MKS1: variants seen among roughly 807,000 people sequenced by gnomAD.
The protein encoded by MKS1 is MKS transition zone complex subunit 1.
In MKS1, 70 loss-of-function variants were observed where a neutral mutation model predicts 83.7. The ratio of observed to expected loss-of-function variants is 0.84; its 90% CI spans 0.69 to 1.02. MKS1 has a LOEUF of 1.02. MKS1 is among the 50% of genes least tolerant of loss of function. The pLI, the probability that MKS1 is intolerant of heterozygous loss-of-function variation, is 0.00. For synonymous variants in MKS1, 251 were observed against 273.4 expected, an observed-to-expected ratio of 0.92 and a Z score of 0.81; for missense variants, 681 against 726.9, an observed-to-expected ratio of 0.94 and a Z score of 0.73.
At position 58,206,265 on chromosome 17, in the gene MKS1, C is replaced by G. The variant is rs912989184; in HGVS notation, c.1588+18G>C. The stretch of plus-strand genomic sequence containing the variant: ...GCCCATGCTGACCTGGGGTGGCCAG[C>G]TGGGGGAGGGGACATACCTAGCACA... On this transcript the variant is annotated intron_variant, in intron 17 of 17. Coordinates refer to ENST00000393119, the MANE Select transcript of MKS1 (RefSeq NM_017777.4). The G allele has an allele frequency of 1.9e-6, 3 of 1,613,948 alleles. No homozygotes were observed. The highest frequency in any genetic ancestry group is 2.5e-6 in the Non-Finnish European group (3 of 1,179,964).
chr17:58,212,998 C>T lies in MKS1; in HGVS notation c.842G>A (p.Arg281Gln). The change falls in exon 8 of 18, where the codon CGG becomes CAG. Residue 281 changes from arginine to glutamine, a missense_variant. Physicochemically the swap from Arg to Gln is conservative, Grantham distance 43. Around this residue, in one of 3 missense-constraint regions of MKS1, gnomAD observed 365 missense variants for 383.8 expected, o/e 0.95. Coordinates refer to ENST00000393119, the MANE Select transcript of MKS1 (RefSeq NM_017777.4). ...HAQPEEEERE[R>Q]RVFKDLYGRH... ...TGCGCTTACATCCTTGAACACTCGC[C>T]GTTCCCGCTCCTCCTCCTCCGGCTG... 1.2e-6 allele frequency: 2 copies of T among 1,614,134 alleles called. No homozygotes were observed. The highest frequency in any genetic ancestry group is 1.1e-5 in the South Asian group (1 of 91,086).
At chr17:58,210,624 G>T in intron 11 of MKS1, 35 bp downstream of exon 11, 1 of 1,576,540 alleles carries the variant, frequency 6.3e-7, no homozygotes, top group Non-Finnish European at 8.7e-7. Context: ...CTGTCTGAAT[G>T]GGTATAAAAG....
chr17:58,215,772 C>G (rs1213710230), intron 4 of MKS1: 5 of 384,330 alleles, frequency 1.3e-5, no homozygotes, highest in Non-Finnish European at 2.5e-5. Context: ...CACTACCTGT[C>G]TTTTTTCATG....
chr17:58,208,417 C>T (rs1266120194), intron 12 of MKS1, 96 bp downstream of exon 12: 6 of 1,423,788 alleles, frequency 4.2e-6, no homozygotes, highest in Non-Finnish European at 5.9e-6. Context: ...CTGGAATCCT[C>T]CCCAGGGCGC....
chr17:58,208,161 T>C lies in MKS1; in HGVS notation c.1109A>G (p.His370Arg). The C allele has an allele frequency of 6.2e-7, 1 of 1,612,824 alleles. No homozygotes were observed. Among genetic ancestry groups the C allele is most frequent in the Non-Finnish European group, 8.5e-7 (1 of 1,178,828 alleles). ...TTCAAACGTGAATGGGTAGGAGAAGTGAGCCACCTTGTCCTATAAAAAGGA... is the reference window on the plus strand; with the variant it reads ...TTCAAACGTGAATGGGTAGGAGAAGCGAGCCACCTTGTCCTATAAAAAGGA... ...TKSLAMDKVAHFSYPFTFEAF... is the reference protein window; with the variant it reads ...TKSLAMDKVARFSYPFTFEAF... Residue 370 changes from histidine to arginine, a missense_variant, in exon 13 of 18, where the codon CAC (histidine) becomes CGC (arginine). Physicochemically the swap from His to Arg is conservative, Grantham distance 29. Transcript: ENST00000393119.
Position 58,213,053 on chromosome 17 carries a change from A to G in MKS1, c.787T>C (p.Tyr263His), listed in dbSNP as rs1597991801. 6.2e-7 allele frequency: 1 copy of G among 1,614,058 alleles called. No individual in the cohort carries two copies. Among genetic ancestry groups the G allele is most frequent in the East Asian group, 2.2e-5 (1 of 44,870 alleles). ...TEGEKQELWK[Y>H]TIDNVSPHAQ... ...TGGGGGGAAACATTGTCGATCGTAT[A>G]TTTCCACAGCTCCTGCTTCTCCCCC... Residue 263 changes from tyrosine to histidine, a missense_variant, in exon 8 of 18, where the codon TAT (tyrosine) becomes CAT (histidine). Tyr to His is a moderately conservative substitution (Grantham distance 83, BLOSUM62 2). Coordinates refer to ENST00000393119, the MANE Select transcript of MKS1 (RefSeq NM_017777.4).
intron 1 of MKS1, 99 bp downstream of exon 1, chr17:58,219,052 T>C (rs1969435469): frequency 2.7e-6 from 4 of 1,484,176 alleles, no homozygotes; most frequent in African/African-American, 2.8e-5. Flanking sequence ...GTGGTCGGGA[T>C]TGTAAGCAGA....
At chr17:58,218,447 C>CAAAAAA (rs67834721) in intron 2 of MKS1, 173 bp downstream of exon 2, 78 of 242,490 alleles carry the variant, frequency 3.2e-4, no homozygotes, top group African/African-American at 8.4e-4. Flanking sequence ...GACTCCGTCT[C>CAAAAAA]AAAAAAAAAA....
chr17:58,214,712 C>G, intron 5 of MKS1, 29 bp downstream of exon 5: 1 of 1,591,082 alleles, frequency 6.3e-7, no homozygotes, highest in Non-Finnish European at 8.5e-7. Context: ...AAAGTAAAAG[C>G]TTGTCCCCCA....
At position 58,209,120 on chromosome 17, in the gene MKS1, C is replaced by A. The variant is rs1359040903; in HGVS notation, c.1025-537G>T. On this transcript the variant is annotated intron_variant, in intron 11 of 17. Coordinates refer to ENST00000393119, the MANE Select transcript of MKS1 (RefSeq NM_017777.4). The surrounding 1 kb of genome is among the most constrained non-coding windows in gnomAD (Gnocchi z 4.1). ...CTCTTTCTTTTCCCCACATTTCCCC[C>A]TTTTCTTTTTGACAAAACCGCCATC... Among the ~76,000 whole-genome samples the A allele has an allele frequency of 6.6e-6, 1 of 152,136 alleles. No homozygotes were observed.
chr17:58,207,806 C>T (rs1264409072), intron 14 of MKS1, 88 bp downstream of exon 14: 1 of 1,236,864 alleles, frequency 8.1e-7, no homozygotes, highest in South Asian at 1.2e-5. Context: ...CCAATTATCT[C>T]CACCCCTCAC....
At position 58,212,425 on chromosome 17, in the gene MKS1, G is replaced by A. The variant is rs777558323; in HGVS notation, c.868C>T (p.Arg290Trp). Residue 290 changes from arginine (R) to tryptophan (W), a missense_variant, in exon 9 of 18, where the codon CGG becomes TGG. Transcript: ENST00000393119. ...AGGCTGCTGAGATACTCCTTGTGCCGGCCATAAAGCTGAGGAAACAAACCA... is the reference window on the plus strand; with the variant it reads ...AGGCTGCTGAGATACTCCTTGTGCCAGCCATAAAGCTGAGGAAACAAACCA... ...ERRVFKDLYG[R>W]HKEYLSSLVG... 1.4e-5 allele frequency: 22 copies of A among 1,613,998 alleles called. No individual in the cohort carries two copies. Among genetic ancestry groups the A allele is most frequent in the East Asian group, 4.5e-5 (2 of 44,890 alleles).
chr17:58,212,384 A>G lies in MKS1; in HGVS notation c.909T>C (p.Phe303=), dbSNP rs764581050. The stretch of plus-strand genomic sequence containing the variant: ...AGGAAGCCAAGCTACTCACCATCTC[A>G]AAGTCGGTGCCTACGAGGCTGCTGA... ...EYLSSLVGTD[F]EMTVPGALRL... Residue 303 remains phenylalanine, a synonymous_variant, in exon 9 of 18, where the codon TTT becomes TTC. Coordinates refer to ENST00000393119, the MANE Select transcript of MKS1 (RefSeq NM_017777.4). 1.9e-6 allele frequency: 3 copies of G among 1,613,854 alleles called. No homozygotes were observed. In the South Asian group the frequency reaches 3.3e-5, roughly 18 times the overall value.
chr17:58,210,767 C>T, intron 10 of MKS1, 43 bp from the exon 11 acceptor site: 7 of 1,583,526 alleles, frequency 4.4e-6, no homozygotes, highest in Non-Finnish European at 6.1e-6. Context: ...TTTCTCCTAC[C>T]ACCCTTAGCA....
chr17:58,217,950 C>T (rs1969323694), intron 2 of MKS1, among the ~76,000 whole-genome samples: 1 of 152,196 alleles, frequency 6.6e-6, no homozygotes, highest in South Asian at 2.1e-4. Context: ...ACAATAAAAG[C>T]AAACAGACTA....
At position 58,206,392 on chromosome 17, in the gene MKS1, C is replaced by T; in HGVS notation, c.1491-12G>A. 6.2e-7 allele frequency: 1 copy of T among 1,614,088 alleles called. No individual in the cohort carries two copies. Among genetic ancestry groups the T allele is most frequent in the Non-Finnish European group, 8.5e-7 (1 of 1,179,966 alleles). On this transcript the variant is annotated splice_polypyrimidine_tract_variant and intron_variant, in intron 16 of 17. Transcript: ENST00000393119. ...ATTCCATGAAGGCCCTGCAGGGAGG[C>T]CAGCCACATGGTTACGGCTGTCTCC...
chr17:58,218,751 A>C, intron 1 of MKS1, 22 bp from the exon 2 acceptor site: 1 of 1,573,186 alleles, frequency 6.4e-7, no homozygotes, highest in Non-Finnish European at 8.7e-7. Context: ...AGCCCAAAAT[A>C]TTCGTTACCA....
In MKS1 at chr17:58,205,792, G is replaced by A. The variant is rs1968467833; in HGVS notation, c.*287C>T. On this transcript the variant is annotated 3_prime_UTR_variant, in exon 18 of 18. Transcript: ENST00000393119. ...GAGTCAAGGCCAGACTCACTATGGGGTCACCCCAAACAGCTTCAGATCAAA... is the reference window on the plus strand; with the variant it reads ...GAGTCAAGGCCAGACTCACTATGGGATCACCCCAAACAGCTTCAGATCAAA... 27 of 1,440,684 alleles carry A rather than the reference G, an allele frequency of 1.9e-5. No homozygotes were observed. The highest frequency in any genetic ancestry group is 2.3e-5 in the Non-Finnish European group (25 of 1,083,926). 89.2% of individuals were successfully genotyped at this position (1,440,684 alleles called of 1,614,324 possible).
In MKS1 at chr17:58,216,124, G is replaced by C. The variant is rs761521921; in HGVS notation, c.381C>G (p.Thr127=). 3.7e-6 allele frequency: 6 copies of C among 1,614,152 alleles called. No homozygotes were observed. The South Asian group carries it at 5.5e-5, about 15-fold the overall frequency. Reference sequence around the variant, plus strand: ...TGGTGTATCTATCAGAGTCAGTGTAGGTAAAGATTCGTCGGTTTTTCTTGC... The same window carrying C: ...TGGTGTATCTATCAGAGTCAGTGTACGTAAAGATTCGTCGGTTTTTCTTGC... ...SGGKKNRRIF[T]YTDSDRYTNL... Residue 127 remains threonine, a synonymous_variant, in exon 4 of 18, where the codon ACC becomes ACG. Coordinates refer to ENST00000393119, the MANE Select transcript of MKS1 (RefSeq NM_017777.4).
Sources: allele counts gnomAD v4.1 joint callset (sites outside exome capture counted in the v4.1 genomes callset), GRCh38; gene constraint gnomAD v4.1.1; regional missense constraint gnomAD v4.1.1; non-coding constraint Gnocchi (gnomAD v3.1); transcripts MANE v1.5; gene names NCBI Gene and HGNC (gene_info 2026-07-23, HGNC 2026-07-21).